Variants in ABL1 observed in about 807,000 individuals in gnomAD.
ABL1 encodes ABL proto-oncogene 1, non-receptor tyrosine kinase.
Under a neutral mutation model 94.7 loss-of-function variants are expected in ABL1, and 11 were observed. The ratio of observed to expected loss-of-function variants is 0.12; its 90% CI spans 0.07 to 0.19. The LOEUF is 0.19. Among genes scored for constraint, ABL1 ranks in the 10% least tolerant of loss-of-function variants. ABL1 has a pLI of 1.00. For synonymous variants in ABL1, 656 were observed against 622.4 expected, an observed-to-expected ratio of 1.05 and a Z score of -0.80; for missense variants, 1,082 against 1,489.4, an observed-to-expected ratio of 0.73 and a Z score of 4.50.
intron 4 of ABL1, among the ~76,000 whole-genome samples, chr9:130,871,327 G>A (rs1043046684): frequency 1.3e-5 from 2 of 152,192 alleles, no homozygotes; most frequent in East Asian, 1.9e-4. Context: ...TCAGTGCCAC[G>A]GCACTTCAGA....
chr9:130,873,444 G>A (rs1233466496), intron 6 of ABL1, among the ~76,000 whole-genome samples: 1 of 152,232 alleles, frequency 6.6e-6, no homozygotes, highest in Non-Finnish European at 1.5e-5. Context: ...GGGAGCCGCT[G>A]GCATTGCTTT....
At chr9:130,826,718 C>T (rs535751382) in intron 1 of ABL1, among the ~76,000 whole-genome samples, 51 of 152,246 alleles carry the variant, frequency 3.3e-4, no homozygotes, top group African/African-American at 1.2e-3. Context: ...CTTCAAACCC[C>T]TCCCAACCCC....
Position 130,884,638 on chromosome 9 carries a change from C to A in ABL1, c.2348C>A (p.Pro783His). Residue 783 changes from proline (P) to histidine (H), a missense_variant, in exon 11 of 11, where the codon CCC becomes CAC. Physicochemically the swap from Pro to His is moderately conservative, Grantham distance 77. This residue lies in a region of ABL1 where 780 missense variants were observed against 835.8 expected (regional missense o/e 0.93). Coordinates refer to ENST00000318560, the MANE Select transcript of ABL1 (RefSeq NM_005157.6). The surrounding 1 kb of genome is among the most constrained non-coding windows in gnomAD (Gnocchi z 5.6). ...DQVTRGTVTP[P>H]PRLVKKNEEA... ...GTGACCCGAGGCACAGTAACGCCTC[C>A]CCCCAGGCTGGTGAAAAAGAATGAG... 6.2e-7 allele frequency: 1 copy of A among 1,613,286 alleles called. No homozygotes were observed. Among genetic ancestry groups the A allele is most frequent in the South Asian group, 1.1e-5 (1 of 91,082 alleles).
At chr9:130,735,961 A>ATATATATATATATATT (rs573602038) in intron 1 of ABL1, among the ~76,000 whole-genome samples, 12 of 94,840 alleles carry the variant, frequency 1.3e-4, no homozygotes, top group African/African-American at 7.0e-4. Context: ...ATATATATAT[A>ATATATATATATATATT]TTTTTTTTTT....
intron 3 of ABL1, among the ~76,000 whole-genome samples, chr9:130,858,676 A>G (rs1831014153): frequency 6.6e-6 from 1 of 152,214 alleles, no homozygotes; most frequent in Non-Finnish European, 1.5e-5. Flanking sequence ...TGCTGCTCAC[A>G]TAGCAGAACT....
chr9:130,850,287 A>G (rs558670162), intron 1 of ABL1, among the ~76,000 whole-genome samples: 82 of 152,344 alleles, frequency 5.4e-4, no homozygotes, highest in African/African-American at 1.9e-3. Context: ...AAGGAAGATA[A>G]ATTTAACAAA....
chr9:130,747,085 T>C (rs961771759), intron 1 of ABL1, among the ~76,000 whole-genome samples: 1 of 152,134 alleles, frequency 6.6e-6, no homozygotes, highest in Non-Finnish European at 1.5e-5. Context: ...TCCCTCAGGC[T>C]GGGCACCCCT....
chr9:130,768,360 A>G (rs1163431488), intron 1 of ABL1, among the ~76,000 whole-genome samples: 1 of 152,234 alleles, frequency 6.6e-6, no homozygotes, highest in African/African-American at 2.4e-5. Context: ...AGCGTATGGA[A>G]GACTGTCACT....
upstream of ABL1, among the ~76,000 whole-genome samples, chr9:130,830,616 G>T (rs1363345817): frequency 6.6e-6 from 1 of 152,136 alleles, no homozygotes; most frequent in Non-Finnish European, 1.5e-5. Flanking sequence ...TTGTTAATTT[G>T]AGCTCTTGAC....
At chr9:130,741,930 C>CT (rs1306055927) in intron 1 of ABL1, among the ~76,000 whole-genome samples, 3 of 152,190 alleles carry the variant, frequency 2.0e-5, no homozygotes, top group Admixed American at 2.0e-4. Flanking sequence ...AGTGCCACAG[C>CT]TTCCTGCCCC....
intron 1 of ABL1, among the ~76,000 whole-genome samples, chr9:130,780,583 TCTC>T (rs1829743462): frequency 6.6e-6 from 1 of 152,142 alleles, no homozygotes; most frequent in South Asian, 2.1e-4. Flanking sequence ...TTGTCCCCTT[TCTC>T]CTCCCTCTTC....
chr9:130,729,472 A>T (rs1028487682), intron 1 of ABL1, among the ~76,000 whole-genome samples: 1 of 152,174 alleles, frequency 6.6e-6, no homozygotes, highest in Admixed American at 6.5e-5. Flanking sequence ...CAGTTCACAG[A>T]GATGGCTGCT....
intron 1 of ABL1, among the ~76,000 whole-genome samples, chr9:130,728,938 G>A (rs1362439038): frequency 2.0e-5 from 3 of 152,036 alleles, no homozygotes; most frequent in Non-Finnish European, 4.4e-5. Flanking sequence ...GTGTTATATT[G>A]TAGGGATTCT....
At chr9:130,881,888 CAAAA>C (rs1178368722) in intron 10 of ABL1, among the ~76,000 whole-genome samples, 5 of 118,724 alleles carry the variant, frequency 4.2e-5, no homozygotes, top group South Asian at 2.3e-4. Flanking sequence ...AAAAAAAAAA[CAAAA>C]AAAAACAGAA....
In ABL1 at chr9:130,854,150, G is replaced by A. The variant is rs369393102; in HGVS notation, c.166G>A (p.Ala56Thr). The change falls in exon 2 of 11, where the codon GCT becomes ACT. Residue 56 changes from alanine (A) to threonine (T), a missense_variant. Ala to Thr is a moderately conservative substitution (Grantham distance 58). Around this residue, in one of 7 missense-constraint regions of ABL1, gnomAD observed 65 missense variants for 80.8 expected, o/e 0.80. Transcript: ENST00000318560. ...ARWNSKENLL[A>T]GPSENDPNLF... ...TTGGAACTCCAAGGAAAACCTTCTC[G>A]CTGGACCCAGTGAAAATGACCCCAA... 1.2e-5 allele frequency: 19 copies of A among 1,613,998 alleles called. No individual in the cohort carries two copies. The highest frequency in any genetic ancestry group is 2.2e-5 in the South Asian group (2 of 91,076).
chr9:130,766,341 C>T (rs923036975), intron 1 of ABL1, among the ~76,000 whole-genome samples: 3 of 152,112 alleles, frequency 2.0e-5, no homozygotes, highest in African/African-American at 4.8e-5. Context: ...GATCCATGAC[C>T]GCAGACAGAC....
At chr9:130,743,733 T>C (rs1831849091) in intron 1 of ABL1, among the ~76,000 whole-genome samples, 3 of 152,172 alleles carry the variant, frequency 2.0e-5, no homozygotes, top group African/African-American at 2.4e-5. Context: ...ATAGTTCTAA[T>C]TGATGGGTTT....
intron 1 of ABL1, among the ~76,000 whole-genome samples, chr9:130,844,166 A>C (rs1388909649): frequency 6.6e-6 from 1 of 152,166 alleles, no homozygotes. Context: ...GATTTGAAGC[A>C]AGAGAGTGAC....
At chr9:130,789,878 A>G (rs191943904) in intron 1 of ABL1, among the ~76,000 whole-genome samples, 3 of 152,374 alleles carry the variant, frequency 2.0e-5, no homozygotes, top group Admixed American at 2.0e-4. Flanking sequence ...GACTGAAGCT[A>G]ATAGAAACAA....
Sources: allele counts gnomAD v4.1 joint callset (sites outside exome capture counted in the v4.1 genomes callset), GRCh38; gene constraint gnomAD v4.1.1; regional missense constraint gnomAD v4.1.1; non-coding constraint Gnocchi (gnomAD v3.1); transcripts MANE v1.5; gene names NCBI Gene and HGNC (gene_info 2026-07-23, HGNC 2026-07-21).